CYYR1: variants seen among roughly 807,000 people sequenced by gnomAD.
CYYR1 encodes cysteine and tyrosine-rich protein 1.
CYYR1 carries 14 observed loss-of-function variants against 15.2 expected under a neutral mutation model. The observed-to-expected ratio is 0.92, with a 90% confidence interval of 0.61 to 1.44. The LOEUF is 1.44. Among genes scored for constraint, CYYR1 ranks in the 40% most tolerant of loss-of-function variants. CYYR1 has a pLI of 0.00. For synonymous variants in CYYR1, 80 were observed against 77.4 expected, an observed-to-expected ratio of 1.03 and a Z score of -0.18; for missense variants, 228 against 209.5, an observed-to-expected ratio of 1.09 and a Z score of -0.54.
At chr21:26,564,485 C>T (rs1980467692) in intron 2 of CYYR1, among the ~76,000 whole-genome samples, 1 of 152,142 alleles carries the variant, frequency 6.6e-6, no homozygotes, top group Non-Finnish European at 1.5e-5. Context: ...AACCTAGATA[C>T]ATGTATCAGC....
In CYYR1 at chr21:26,572,934, C is replaced by G. The variant is rs750458342; in HGVS notation, c.7G>C (p.Ala3Pro). 5.6e-6 allele frequency: 9 copies of G among 1,613,802 alleles called. No individual in the cohort carries two copies. In the Admixed American group the frequency reaches 1.5e-4, roughly 27 times the overall value. Residue 3 changes from alanine (A) to proline (P), a missense_variant, in exon 1 of 4, where the codon GCT becomes CCT. Transcript: ENST00000652641. ...CCTGGACGCACGGGTAGCCTCGGAGCGTCCATCCAAGCCGGTGGCCTGAGG... is the reference window on the plus strand; with the variant it reads ...CCTGGACGCACGGGTAGCCTCGGAGGGTCCATCCAAGCCGGTGGCCTGAGG... Reference protein sequence around the residue: MDAPRLPVRPGVL... With the variant: MDPPRLPVRPGVL...
chr21:26,552,350 C>CT (rs1404589429), intron 2 of CYYR1, among the ~76,000 whole-genome samples: 2 of 152,068 alleles, frequency 1.3e-5, no homozygotes, highest in Non-Finnish European at 2.9e-5. Context: ...CATGGTATAT[C>CT]TTTTTCCATC....
intron 3 of CYYR1, among the ~76,000 whole-genome samples, chr21:26,469,505 G>A (rs2065008304): frequency 6.6e-6 from 1 of 152,024 alleles, no homozygotes; most frequent in East Asian, 1.9e-4. Context: ...TTTTTGAATT[G>A]ACAAATAATA....
intron 2 of CYYR1, among the ~76,000 whole-genome samples, chr21:26,498,048 C>T (rs1048765033): frequency 6.6e-6 from 1 of 152,184 alleles, no homozygotes; most frequent in Non-Finnish European, 1.5e-5. Context: ...CTACCTTTTA[C>T]ATTTGCTAAG....
At chr21:26,529,772 A>G (rs2123598231) in intron 2 of CYYR1, among the ~76,000 whole-genome samples, 1 of 152,336 alleles carries the variant, frequency 6.6e-6, no homozygotes, top group African/African-American at 2.4e-5. Context: ...GTTCAATGCT[A>G]TTGGATTTTA....
chr21:26,542,880 G>A (rs1017148839), intron 2 of CYYR1, among the ~76,000 whole-genome samples: 1 of 152,186 alleles, frequency 6.6e-6, no homozygotes, highest in South Asian at 2.1e-4. Context: ...GTATTAGGGT[G>A]TTAAGAAGCA....
chr21:26,494,718 T>G (rs185696667), intron 2 of CYYR1, among the ~76,000 whole-genome samples: 9 of 152,272 alleles, frequency 5.9e-5, no homozygotes, highest in Admixed American at 5.9e-4. Flanking sequence ...TTGTGCCCCA[T>G]AAATATATGT....
intron 2 of CYYR1, among the ~76,000 whole-genome samples, chr21:26,491,614 G>T (rs561214493): frequency 2.0e-4 from 31 of 152,072 alleles, no homozygotes; most frequent in Non-Finnish European, 4.4e-4. Context: ...GATTTAATAA[G>T]GATTAAATAT....
At chr21:26,570,457 C>T (rs986963249) in intron 1 of CYYR1, among the ~76,000 whole-genome samples, 3 of 152,216 alleles carry the variant, frequency 2.0e-5, no homozygotes, top group African/African-American at 7.2e-5. Context: ...AAGTTACTGG[C>T]TGAGGCCCGG....
chr21:26,517,795 A>C (rs906472378), intron 2 of CYYR1, among the ~76,000 whole-genome samples: 1 of 152,154 alleles, frequency 6.6e-6, no homozygotes, highest in Non-Finnish European at 1.5e-5. Context: ...AGTTCAGGCT[A>C]TCCTCCCACC....
chr21:26,500,611 A>G (rs2065468006), intron 2 of CYYR1, among the ~76,000 whole-genome samples: 1 of 152,092 alleles, frequency 6.6e-6, no homozygotes, highest in Admixed American at 6.5e-5. Flanking sequence ...GCTGAACAAG[A>G]ACTTTCCTCT....
intron 2 of CYYR1, among the ~76,000 whole-genome samples, chr21:26,548,392 G>A (rs1979133006): frequency 6.6e-6 from 1 of 152,192 alleles, no homozygotes; most frequent in African/African-American, 2.4e-5. Flanking sequence ...CTGTGCCCAG[G>A]ATGCAGTGCA....
chr21:26,530,744 A>C (rs1335994625), intron 2 of CYYR1, among the ~76,000 whole-genome samples: 1 of 152,116 alleles, frequency 6.6e-6, no homozygotes, highest in African/African-American at 2.4e-5. Context: ...TATTTTGCTG[A>C]GAATGATGGT....
At chr21:26,522,961 G>A (rs975259125) in intron 2 of CYYR1, among the ~76,000 whole-genome samples, 1 of 152,226 alleles carries the variant, frequency 6.6e-6, no homozygotes, top group Non-Finnish European at 1.5e-5. Context: ...TTGGCTGAAG[G>A]GAAGTCTGGA....
At chr21:26,532,422 C>T (rs987111927) in intron 2 of CYYR1, among the ~76,000 whole-genome samples, 1 of 152,122 alleles carries the variant, frequency 6.6e-6, no homozygotes, top group Non-Finnish European at 1.5e-5. Flanking sequence ...AGGCAGATGA[C>T]GCTGGAGGAA....
rs1254703060 is a variant in CYYR1, at chr21:26,467,006, A to ATTT, written c.*1494_*1495insAAA. On this transcript the variant is annotated 3_prime_UTR_variant, in exon 4 of 4. Transcript: ENST00000652641. ...ATGCTACTTATAATAATGATATAGT[A>ATTT]AGCTTCTTATCTGCAAGTACAGGTA... is the stretch of plus-strand genomic sequence containing the variant. 6.6e-6 allele frequency: 1 copy of ATTT among 152,196 alleles called. No individual in the cohort carries two copies. The highest frequency in any genetic ancestry group is 1.5e-5 in the Non-Finnish European group (1 of 68,026). 9.4% of individuals were successfully genotyped at this position (152,196 alleles called of 1,614,324 possible).
Position 26,468,322 on chromosome 21 carries a change from G to A in CYYR1, c.*179C>T, listed in dbSNP as rs375596323. 7 of 638,466 alleles carry A rather than the reference G, an allele frequency of 1.1e-5. No individual in the cohort carries two copies. The highest frequency in any genetic ancestry group is 7.2e-5 in the African/African-American group (4 of 55,606). 39.6% of individuals were successfully genotyped at this position (638,466 alleles called of 1,614,324 possible). Reference sequence around the variant, plus strand: ...AGAACCAAACATTAATACTCCAGATGGGGTCAGCTTTGAGCAGAGTAGAAA... The same window carrying A: ...AGAACCAAACATTAATACTCCAGATAGGGTCAGCTTTGAGCAGAGTAGAAA... On this transcript the variant is annotated 3_prime_UTR_variant, in exon 4 of 4. Transcript: ENST00000652641.
intron 2 of CYYR1, among the ~76,000 whole-genome samples, chr21:26,512,206 TA>T (rs201431070): frequency 0.02 from 2,993 of 152,084 alleles, 48 homozygotes; most frequent in Non-Finnish European, 0.031. Flanking sequence ...TTTTTTTATT[TA>T]TTTTTTTTTG....
chr21:26,521,589 G>T (rs1385603879), intron 2 of CYYR1, among the ~76,000 whole-genome samples: 1 of 152,158 alleles, frequency 6.6e-6, no homozygotes, highest in Non-Finnish European at 1.5e-5. Context: ...ATCTTGTACT[G>T]ATCTTGACTA....
Sources: allele counts gnomAD v4.1 joint callset (sites outside exome capture counted in the v4.1 genomes callset), GRCh38; gene constraint gnomAD v4.1.1; transcripts MANE v1.5; gene names NCBI Gene and HGNC (gene_info 2026-07-23, HGNC 2026-07-21).